Variants in CSMD1 observed in about 807,000 individuals in gnomAD.
The protein encoded by CSMD1 is CUB and sushi domain-containing protein 1.
Under a neutral mutation model 417.5 loss-of-function variants are expected in CSMD1, and 213 were observed. The ratio of observed to expected loss-of-function variants is 0.51; its 90% CI spans 0.46 to 0.57. CSMD1 has a LOEUF of 0.57. Among genes scored for constraint, CSMD1 ranks in the 20% least tolerant of loss-of-function variants. CSMD1 has a pLI of 0.00. For missense variants in CSMD1, 6,923 were observed against 4,529.7 expected (o/e 1.53, Z -15.17); for synonymous variants, 2,862 against 1,736.8 (o/e 1.65, Z -16.11).
intron 5 of CSMD1, among the ~76,000 whole-genome samples, chr8:3,773,885 T>C (rs1258451896): frequency 6.6e-6 from 1 of 152,146 alleles, no homozygotes; most frequent in African/African-American, 2.4e-5. Context: ...CTGAGGAAAA[T>C]GCAAACCAAT....
chr8:4,268,509 C>T (rs767420509), intron 3 of CSMD1, among the ~76,000 whole-genome samples: 1 of 152,102 alleles, frequency 6.6e-6, no homozygotes, highest in Non-Finnish European at 1.5e-5. Context: ...TTTAGAGAAA[C>T]AAGTAGTAGT....
intron 3 of CSMD1, among the ~76,000 whole-genome samples, chr8:4,203,531 C>T (rs1294387828): frequency 6.6e-6 from 1 of 152,086 alleles, no homozygotes; most frequent in Non-Finnish European, 1.5e-5. Flanking sequence ...ATCCAAGTAC[C>T]TTCTGTTATT....
At chr8:4,169,665 G>A (rs747795584) in intron 3 of CSMD1, among the ~76,000 whole-genome samples, 5 of 152,190 alleles carry the variant, frequency 3.3e-5, no homozygotes, top group Middle Eastern at 3.4e-3. Flanking sequence ...AGCCAACGCC[G>A]GAAGAGCACA....
rs914585297 is a variant in CSMD1 at position 3,230,219 on chromosome 8, G to A, written c.4166C>T (p.Ala1389Val). The change falls in exon 27 of 70, where the codon GCC becomes GTC. Residue 1389 changes from alanine (A) to valine (V), a missense_variant. Physicochemically the swap from Ala to Val is moderately conservative, Grantham distance 64. Coordinates refer to ENST00000635120, the MANE Select transcript of CSMD1 (RefSeq NM_033225.6). Reference protein sequence around the residue: ...FSIQFSTSIAATCNDPGMPQN... With the variant: ...FSIQFSTSIAVTCNDPGMPQN... Reference sequence around the variant, plus strand: ...GGGCATACCTGGATCGTTACAGGTGGCTGCAATTGAGGCTGCAAACAAAAG... The same window carrying A: ...GGGCATACCTGGATCGTTACAGGTGACTGCAATTGAGGCTGCAAACAAAAG... 1.9e-6 allele frequency: 3 copies of A among 1,585,278 alleles called. No homozygotes were observed. The highest frequency in any genetic ancestry group is 2.6e-6 in the Non-Finnish European group (3 of 1,165,216).
chr8:3,554,171 A>T (rs117042605), intron 10 of CSMD1, among the ~76,000 whole-genome samples: 1,957 of 152,334 alleles, frequency 0.013, 19 homozygotes, highest in East Asian at 0.062. Context: ...GGTAGACAAG[A>T]AGAAGTTTTT....
chr8:3,769,344 G>C (rs756159092), intron 5 of CSMD1, among the ~76,000 whole-genome samples: 3 of 151,712 alleles, frequency 2.0e-5, no homozygotes, highest in Non-Finnish European at 2.9e-5. Context: ...TTAAAAGAAA[G>C]TTGTACCAAA....
intron 5 of CSMD1, among the ~76,000 whole-genome samples, chr8:3,984,636 G>A (rs900227673): frequency 7.5e-5 from 11 of 146,636 alleles, no homozygotes; most frequent in African/African-American, 2.5e-4. Flanking sequence ...TGAACAAAAT[G>A]CCAAGGCTTG....
rs554008259 is a variant in CSMD1, at chr8:3,389,396, C to G, written c.2594-1714G>C. On this transcript the variant is annotated intron_variant, in intron 17 of 69. Coordinates refer to ENST00000635120, the MANE Select transcript of CSMD1 (RefSeq NM_033225.6). ...GGTTGCCTGTTGCTGCATTAGTTTG[C>G]TAAGGATAATGACATCCAGCTCCTA... is the stretch of plus-strand genomic sequence containing the variant. Among the ~76,000 whole-genome samples the G allele has an allele frequency of 3.9e-5, 6 of 152,124 alleles. No individual in the cohort carries two copies. The East Asian group carries it at 1.2e-3, about 29-fold the overall frequency.
chr8:4,431,442 G>C (rs1441169577), intron 2 of CSMD1, among the ~76,000 whole-genome samples: 1 of 152,044 alleles, frequency 6.6e-6, no homozygotes, highest in Non-Finnish European at 1.5e-5. Context: ...GAGAGCGAGT[G>C]AGCACACAGT....
chr8:3,187,549 C>A (rs564901404), intron 36 of CSMD1, among the ~76,000 whole-genome samples: 1 of 152,076 alleles, frequency 6.6e-6, no homozygotes, highest in Non-Finnish European at 1.5e-5. Flanking sequence ...AGTTGAGAAC[C>A]GTTTCCTAAC....
Position 2,961,157 on chromosome 8 carries a change from C to A in CSMD1, c.9686G>T (p.Ser3229Ile), listed in dbSNP as rs781377775. Residue 3229 changes from serine (S) to isoleucine (I), a missense_variant, in exon 62 of 70, where the codon AGC becomes ATC. Physicochemically the swap from Ser to Ile is moderately radical, Grantham distance 142. Transcript: ENST00000635120. The stretch of plus-strand genomic sequence containing the variant: ...ATGAACTACCTCATAGCCTCTGGAG[C>A]TATTCTGTATTCCAAAGTGTGGCGT... ...PGTPHFGIQN[S>I]SRGYEVGSTV... 1 of 1,594,630 alleles carries A rather than the reference C, an allele frequency of 6.3e-7. No individual in the cohort carries two copies. Among genetic ancestry groups the A allele is most frequent in the South Asian group, 1.1e-5 (1 of 89,072 alleles).
At chr8:3,342,551 A>G (rs1000976890) in intron 23 of CSMD1, among the ~76,000 whole-genome samples, 1 of 152,226 alleles carries the variant, frequency 6.6e-6, no homozygotes, top group Non-Finnish European at 1.5e-5. Context: ...AGAACTAAAA[A>G]TGCTGAAAGT....
chr8:4,978,776 A>G (rs1008496523), intron 1 of CSMD1, among the ~76,000 whole-genome samples: 4 of 152,176 alleles, frequency 2.6e-5, no homozygotes, highest in East Asian at 1.9e-4. Context: ...CGTCTCCACT[A>G]AAAATACAAA....
At chr8:3,317,568 G>C (rs116604557) in intron 23 of CSMD1, among the ~76,000 whole-genome samples, 3,753 of 152,166 alleles carry the variant, frequency 0.025, 106 homozygotes, top group East Asian at 0.07. Flanking sequence ...AAAATAAAAA[G>C]CCCAGAATGA....
At chr8:4,080,413 G>A (rs1800069353) in intron 3 of CSMD1, among the ~76,000 whole-genome samples, 2 of 152,176 alleles carry the variant, frequency 1.3e-5, no homozygotes, top group Admixed American at 6.5e-5. Context: ...ATGTACTGGT[G>A]AGTAATCATG....
In CSMD1 at chr8:3,546,712, G is replaced by C. The variant is rs149324595; in HGVS notation, c.1344+28233C>G. On this transcript the variant is annotated intron_variant, in intron 10 of 69. Transcript: ENST00000635120. ...CTGGACAAATCTTCAATCAATGTAG[G>C]AATTACTGAAGATAAAAGGAGCTGC... Among the ~76,000 whole-genome samples, 806 of 152,222 alleles carry C rather than the reference G, an allele frequency of 5.3e-3. 3 individuals are homozygous for C. Among genetic ancestry groups the C allele is most frequent in the Middle Eastern group, 0.01 (3 of 292 alleles).
intron 49 of CSMD1, among the ~76,000 whole-genome samples, chr8:3,071,534 G>GT (rs1813323106): frequency 6.6e-6 from 1 of 152,078 alleles, no homozygotes; most frequent in African/African-American, 2.4e-5. Flanking sequence ...ATGATAAAAT[G>GT]TATGTCTAAC....
intron 1 of CSMD1, among the ~76,000 whole-genome samples, chr8:4,813,169 C>G (rs991825986): frequency 6.6e-6 from 1 of 152,140 alleles, no homozygotes; most frequent in African/African-American, 2.4e-5. Flanking sequence ...GTCACTAATG[C>G]ATACACTAAA....
chr8:3,212,160 T>C (rs1013255658), intron 30 of CSMD1, among the ~76,000 whole-genome samples: 1 of 152,196 alleles, frequency 6.6e-6, no homozygotes. Flanking sequence ...ATGAGCACGC[T>C]GAGTTCTATT....
Sources: gnomAD v4.1 joint callset for allele counts (sites outside exome capture counted in the v4.1 genomes callset) on GRCh38, gnomAD v4.1.1 for gene constraint, MANE v1.5 for transcripts, NCBI Gene and HGNC (gene_info 2026-07-23, HGNC 2026-07-21) for gene names.